Variants in MEGF10 observed in about 807,000 individuals in gnomAD.
MEGF10 encodes multiple epidermal growth factor-like domains protein 10.
MEGF10 carries 86 observed loss-of-function variants against 147.5 expected under a neutral mutation model. The observed-to-expected ratio is 0.58, with a 90% CI of 0.49 to 0.70. MEGF10 has a LOEUF of 0.70. MEGF10 is among the 30% of genes least tolerant of loss of function. The pLI is 0.00. For missense variants in MEGF10, 1,329 were observed against 1,487.3 expected, an observed-to-expected ratio of 0.89 and a Z score of 1.75; for synonymous variants, 478 against 525.5, an observed-to-expected ratio of 0.91 and a Z score of 1.24.
chr5:127,339,293 C>G (rs563563081), intron 3 of MEGF10, 72 bp downstream of exon 3: 11 of 1,045,670 alleles, frequency 1.1e-5, no homozygotes, highest in African/African-American at 7.9e-5. Flanking sequence ...ATATTAATGA[C>G]AGCAGAAAGT....
chr5:127,252,535 A>G, the MEGF10 span, among the ~76,000 whole-genome samples: 1 of 150,812 alleles, frequency 6.6e-6, no homozygotes, highest in Admixed American at 6.6e-5. Context: ...GAATAGCTCT[A>G]TTTATTCTTT....
chr5:127,391,143 CACACACACACATACAT>C (rs763469230), intron 5 of MEGF10, among the ~76,000 whole-genome samples: 15,487 of 102,454 alleles, frequency 0.15, 1,194 homozygotes, highest in Middle Eastern at 0.34. Flanking sequence ...CACACACACA[CACACACACACATACAT>C]GCTTATTTCT....
At chr5:127,250,662 CA>C in the MEGF10 span, among the ~76,000 whole-genome samples, 1 of 151,700 alleles carries the variant, frequency 6.6e-6, no homozygotes, top group Admixed American at 6.6e-5. Flanking sequence ...TAACTCTAAC[CA>C]ATGCAAATAT....
chr5:127,437,662 T>C (rs1765606497), intron 16 of MEGF10, among the ~76,000 whole-genome samples: 1 of 152,256 alleles, frequency 6.6e-6, no homozygotes, highest in South Asian at 2.1e-4. Flanking sequence ...TTCTGATGTC[T>C]CTTCAATCGG....
chr5:127,278,551 G>A, the MEGF10 span, among the ~76,000 whole-genome samples: 8 of 152,266 alleles, frequency 5.3e-5, no homozygotes, highest in East Asian at 1.3e-3. Context: ...GTTGAGAGGA[G>A]AGAATTAATA....
rs1280542044 is a variant in MEGF10 at position 127,440,635 on chromosome 5, C to T, written c.2234-104C>T. ...TACTATTCACTGTATTCTCTGATGG[C>T]TCAGTGTCATTCAAGTTTAAACACA... On this transcript the variant is annotated intron_variant, in intron 17 of 24. Transcript: ENST00000503335. 2.5e-6 allele frequency: 3 copies of T among 1,205,818 alleles called. No individual in the cohort carries two copies. The East Asian group carries it at 7.2e-5, about 29-fold the overall frequency. 74.7% of individuals were successfully genotyped at this position (1,205,818 alleles called of 1,614,324 possible).
intron 1 of MEGF10, among the ~76,000 whole-genome samples, chr5:127,325,907 ATATTT>A (rs1761008588): frequency 7.1e-5 from 1 of 14,172 alleles, no homozygotes; most frequent in African/African-American, 1.6e-4. Flanking sequence ...ATATATATAT[ATATTT>A]TTTTTTTTTT....
chr5:127,414,550 CA>C (rs1281125484), intron 9 of MEGF10, among the ~76,000 whole-genome samples: 1 of 152,106 alleles, frequency 6.6e-6, no homozygotes, highest in African/African-American at 2.4e-5. Flanking sequence ...AAGACTTTGA[CA>C]TTTTAAAAAC....
upstream of MEGF10, among the ~76,000 whole-genome samples, chr5:127,290,412 C>T (rs1380262929): frequency 6.6e-6 from 1 of 152,190 alleles, no homozygotes; most frequent in Non-Finnish European, 1.5e-5. Flanking sequence ...TCCCACAAAT[C>T]CTTACAGAGG....
chr5:127,302,855 C>T (rs1008687657), intron 1 of MEGF10, among the ~76,000 whole-genome samples: 8 of 152,110 alleles, frequency 5.3e-5, no homozygotes, highest in African/African-American at 1.9e-4. Flanking sequence ...GAGAGATCAT[C>T]GGATTTGGTG....
chr5:127,291,947 C>T (rs1219715930), intron 1 of MEGF10, among the ~76,000 whole-genome samples: 1 of 152,168 alleles, frequency 6.6e-6, no homozygotes, highest in Non-Finnish European at 1.5e-5. Flanking sequence ...TGTTCTTAGG[C>T]TGTGATAACC....
chr5:127,347,278 ATT>A (rs1348029452), intron 4 of MEGF10, among the ~76,000 whole-genome samples: 17 of 152,164 alleles, frequency 1.1e-4, no homozygotes, highest in African/African-American at 3.6e-4. Flanking sequence ...ATACATATAT[ATT>A]GTATGTTTTT....
At chr5:127,344,895 T>C (rs1761824494) in intron 4 of MEGF10, among the ~76,000 whole-genome samples, 1 of 152,230 alleles carries the variant, frequency 6.6e-6, no homozygotes, top group African/African-American at 2.4e-5. Flanking sequence ...TCAGGATTGT[T>C]GTTACTGCTG....
At chr5:127,284,198 G>T in the MEGF10 span, among the ~76,000 whole-genome samples, 1 of 152,160 alleles carries the variant, frequency 6.6e-6, no homozygotes, top group South Asian at 2.1e-4. Context: ...ACTGGAAGAA[G>T]AAGACCGAAA....
At position 127,434,751 on chromosome 5, in the gene MEGF10, C is replaced by G. The variant is rs755020554; in HGVS notation, c.1905C>G (p.Ser635Arg). ...CATGCCCACAGTGCGTTCACAGCAG[C>G]GGGCCCTGCCACCACATCACCGGCC... Reference protein sequence around the residue: ...SQTCPQCVHSSGPCHHITGLC... With the variant: ...SQTCPQCVHSRGPCHHITGLC... Residue 635 changes from serine to arginine, a missense_variant, in exon 15 of 25, where the codon AGC becomes AGG. By Grantham distance (110) the Ser-to-Arg change is moderately radical (BLOSUM62 -1). Transcript: ENST00000503335. 3 of 1,613,972 alleles carry G rather than the reference C, an allele frequency of 1.9e-6. No individual in the cohort carries two copies. Among genetic ancestry groups the G allele is most frequent in the Non-Finnish European group, 2.5e-6 (3 of 1,180,028 alleles).
chr5:127,320,462 TCTA>T (rs1760745861), intron 1 of MEGF10, among the ~76,000 whole-genome samples: 1 of 151,922 alleles, frequency 6.6e-6, no homozygotes, highest in Non-Finnish European at 1.5e-5. Flanking sequence ...GAAAGATCAG[TCTA>T]GATACCACAG....
chr5:127,448,141 C>A (rs922582051), intron 21 of MEGF10, among the ~76,000 whole-genome samples: 2 of 152,178 alleles, frequency 1.3e-5, no homozygotes, highest in Non-Finnish European at 2.9e-5. Flanking sequence ...TCCTGGCCAC[C>A]TGTGCTTTAG....
At chr5:127,414,035 G>A (rs1764667085) in intron 9 of MEGF10, among the ~76,000 whole-genome samples, 1 of 152,098 alleles carries the variant, frequency 6.6e-6, no homozygotes, top group African/African-American at 2.4e-5. Flanking sequence ...AGATAAGGTA[G>A]GCTACTTAAA....
intron 11 of MEGF10, 49 bp from the exon 12 acceptor site, chr5:127,419,993 GCT>G: frequency 6.3e-7 from 1 of 1,592,644 alleles, no homozygotes; most frequent in Non-Finnish European, 8.5e-7. Flanking sequence ...GCTCAACAAG[GCT>G]CTCTGCTGCC....
Sources: allele counts gnomAD v4.1 joint callset (sites outside exome capture counted in the v4.1 genomes callset), GRCh38; gene constraint gnomAD v4.1.1; transcripts MANE v1.5; gene names NCBI Gene and HGNC (gene_info 2026-07-23, HGNC 2026-07-21).